The following AKT3 variants were observed in gnomAD, a reference collection of about 807,000 sequenced individuals.
AKT3 encodes AKT serine/threonine kinase 3.
A neutral mutation model predicts 65.3 loss-of-function variants in AKT3; 15 were observed. The ratio of observed to expected loss-of-function variants is 0.23; its 90% CI spans 0.15 to 0.35. AKT3 has a LOEUF of 0.35. Among genes scored for constraint, AKT3 ranks in the 10% least tolerant of loss-of-function variants. AKT3 has a pLI of 1.00. For missense variants in AKT3, 243 were observed against 576.5 expected (o/e 0.42, Z 5.92); for synonymous variants, 206 against 183.8 (o/e 1.12, Z -0.98).
At chr1:243,553,093 A>G (rs1673181249) in intron 10 of AKT3, 150 bp from the exon 11 acceptor site, 1 of 576,388 alleles carries the variant, frequency 1.7e-6, no homozygotes, top group Non-Finnish European at 2.9e-6. Context: ...GAAGCATCCT[A>G]CAAAAAATAC....
chr1:243,635,638 GA>G (rs899810965), intron 6 of AKT3, among the ~76,000 whole-genome samples: 40 of 151,840 alleles, frequency 2.6e-4, no homozygotes, highest in African/African-American at 9.4e-4. Context: ...AAAAGTTTAA[GA>G]AAAAATAGGT....
At chr1:243,837,372 T>C (rs989805004) in intron 2 of AKT3, among the ~76,000 whole-genome samples, 6 of 152,146 alleles carry the variant, frequency 3.9e-5, no homozygotes, top group African/African-American at 1.4e-4. Flanking sequence ...ATGGCTTCAC[T>C]GATACATTTT....
intron 8 of AKT3, among the ~76,000 whole-genome samples, chr1:243,584,156 G>C (rs1011407388): frequency 2.0e-5 from 3 of 152,010 alleles, no homozygotes; most frequent in African/African-American, 7.2e-5. Flanking sequence ...TTATCCCACA[G>C]GAATACGAAA....
chr1:243,583,259 A>G (rs1444631248), intron 8 of AKT3, among the ~76,000 whole-genome samples: 1 of 148,102 alleles, frequency 6.8e-6, no homozygotes, highest in Non-Finnish European at 1.5e-5. Context: ...TGCACCCAAT[A>G]TTGGAGAACC....
At chr1:243,552,971 A>T (rs1673173649) in intron 10 of AKT3, 28 bp from the exon 11 acceptor site, 1 of 1,477,942 alleles carries the variant, frequency 6.8e-7, no homozygotes, top group Non-Finnish European at 9.2e-7. Context: ...AAAAAGATTA[A>T]TTATTACATG....
At chr1:243,527,930 CACACACAG>C (rs869270692) in intron 12 of AKT3, among the ~76,000 whole-genome samples, 3,523 of 38,520 alleles carry the variant, frequency 0.091, 29 homozygotes, top group Non-Finnish European at 0.13. Flanking sequence ...CACACACACA[CACACACAG>C]AGAGAGAGAG....
intron 8 of AKT3, among the ~76,000 whole-genome samples, chr1:243,593,956 CAATT>C (rs1380439336): frequency 6.6e-6 from 1 of 152,104 alleles, no homozygotes; most frequent in African/African-American, 2.4e-5. Context: ...GACAGATAGA[CAATT>C]AAACAGACAA....
intron 8 of AKT3, among the ~76,000 whole-genome samples, chr1:243,574,337 T>C (rs1353927888): frequency 1.5e-5 from 2 of 129,456 alleles, no homozygotes; most frequent in African/African-American, 5.9e-5. Context: ...AGAGAGAAAA[T>C]ATCACCTATA....
intron 1 of AKT3, among the ~76,000 whole-genome samples, chr1:243,849,768 A>T (rs2148491002): frequency 6.6e-6 from 1 of 150,984 alleles, no homozygotes; most frequent in East Asian, 2.0e-4. Context: ...CCCGCTGCGC[A>T]CCGCCGCCCC....
At chr1:243,594,182 T>A (rs1235030921) in intron 8 of AKT3, among the ~76,000 whole-genome samples, 2 of 152,030 alleles carry the variant, frequency 1.3e-5, no homozygotes, top group Non-Finnish European at 2.9e-5. Flanking sequence ...TGGGAAAAAA[T>A]TGGAATAGGT....
At chr1:243,802,697 T>C (rs1293858963) in intron 2 of AKT3, among the ~76,000 whole-genome samples, 1 of 152,232 alleles carries the variant, frequency 6.6e-6, no homozygotes, top group Non-Finnish European at 1.5e-5. Context: ...AATCCATCCA[T>C]TTATTTTTAC....
chr1:243,595,067 T>C (rs1258630286), intron 8 of AKT3, among the ~76,000 whole-genome samples: 1 of 152,226 alleles, frequency 6.6e-6, no homozygotes, highest in Admixed American at 6.5e-5. Context: ...ATGATGGGGA[T>C]ACATTCTGAG....
intron 2 of AKT3, chr1:243,794,153 C>T (rs947022200): frequency 2.0e-5 from 3 of 152,280 alleles, no homozygotes; most frequent in Non-Finnish European, 4.4e-5. Context: ...CTCGCTTCAG[C>T]CTCCCAATTA....
At chr1:243,524,118 A>C (rs1344565835) in intron 12 of AKT3, among the ~76,000 whole-genome samples, 1 of 152,250 alleles carries the variant, frequency 6.6e-6, no homozygotes, top group African/African-American at 2.4e-5. Context: ...AATGGTAAGT[A>C]TTTGTGTATC....
At chr1:243,795,987 C>G (rs1346217566) in intron 2 of AKT3, among the ~76,000 whole-genome samples, 1 of 152,168 alleles carries the variant, frequency 6.6e-6, no homozygotes, top group East Asian at 1.9e-4. Flanking sequence ...CTGTTTTCAG[C>G]TCCATTTCTG....
chr1:243,559,965 C>T (rs1673661312), intron 10 of AKT3, among the ~76,000 whole-genome samples: 1 of 152,136 alleles, frequency 6.6e-6, no homozygotes, highest in East Asian at 1.9e-4. Flanking sequence ...CTGCCAATCG[C>T]TCCCTAACAC....
At chr1:243,848,751 T>C (rs1401991998) in intron 1 of AKT3, among the ~76,000 whole-genome samples, 1 of 152,254 alleles carries the variant, frequency 6.6e-6, no homozygotes, top group East Asian at 1.9e-4. Context: ...TCAACTAAAA[T>C]CAAAGTGTGA....
At chr1:243,515,528 G>A (rs1670295692) in intron 12 of AKT3, among the ~76,000 whole-genome samples, 1 of 151,952 alleles carries the variant, frequency 6.6e-6, no homozygotes. Context: ...CTGTTAATAG[G>A]TGAACTATAG....
intron 2 of AKT3, among the ~76,000 whole-genome samples, chr1:243,754,770 A>AC (rs1471706846): frequency 7.2e-5 from 11 of 152,004 alleles, no homozygotes; most frequent in African/African-American, 2.7e-4. Context: ...CCCACACACC[A>AC]CCCAGGTTCA....
Sources: allele counts gnomAD v4.1 joint callset (sites outside exome capture counted in the v4.1 genomes callset), GRCh38; gene constraint gnomAD v4.1.1; transcripts MANE v1.5; gene names NCBI Gene and HGNC (gene_info 2026-07-23, HGNC 2026-07-21).